The following DCDC1 variants were observed in gnomAD, a reference collection of about 807,000 sequenced individuals.
The protein encoded by DCDC1 is doublecortin domain containing 1, also known as doublecortin domain-containing protein 1.
In DCDC1, 200 loss-of-function variants were observed where a neutral mutation model predicts 178.3. The ratio of observed to expected loss-of-function variants is 1.12; its 90% CI spans 1.00 to 1.26. The LOEUF (loss-of-function observed/expected upper bound fraction) is 1.26, where lower values mean the gene tolerates loss of function less well. DCDC1 is among the 50% of genes most tolerant of loss of function. DCDC1 has a pLI of 0.00. For missense variants in DCDC1, 1,983 were observed against 1,749.2 expected (o/e 1.13, Z -2.38); for synonymous variants, 690 against 604.8 (o/e 1.14, Z -2.07).
intron 2 of DCDC1, among the ~76,000 whole-genome samples, chr11:31,331,250 G>A (rs1949968604): frequency 6.6e-6 from 1 of 152,216 alleles, no homozygotes; most frequent in Non-Finnish European, 1.5e-5. Context: ...AGACTTTGCT[G>A]AAGTTGCTTA....
intron 8 of DCDC1, among the ~76,000 whole-genome samples, chr11:31,252,666 A>G (rs1305495813): frequency 6.6e-6 from 1 of 152,150 alleles, no homozygotes; most frequent in Non-Finnish European, 1.5e-5. Flanking sequence ...ATGAGAAGCC[A>G]GATAAATAGT....
intron 22 of DCDC1, among the ~76,000 whole-genome samples, chr11:30,930,689 T>C (rs1243416895): frequency 6.6e-6 from 1 of 152,184 alleles, no homozygotes; most frequent in Non-Finnish European, 1.5e-5. Flanking sequence ...ATAATATCTG[T>C]ATGTAACTTT....
At chr11:31,357,116 C>T (rs1208480364) in intron 1 of DCDC1, among the ~76,000 whole-genome samples, 2 of 152,026 alleles carry the variant, frequency 1.3e-5, no homozygotes, top group African/African-American at 4.8e-5. Context: ...ATACCAAAGC[C>T]GGGCAGAGAC....
In DCDC1 at chr11:30,899,496, C is replaced by T. The variant is rs1302118045; in HGVS notation, c.4765+45G>A. ...AATAACCATTAGCAATTTGGGGCTACATTTTGAATTAAATATGGTTATGCT... is the reference window on the plus strand; with the variant it reads ...AATAACCATTAGCAATTTGGGGCTATATTTTGAATTAAATATGGTTATGCT... On this transcript the variant is annotated intron_variant, in intron 34 of 38. Coordinates refer to ENST00000684477, the MANE Select transcript of DCDC1 (RefSeq NM_001387274.1). 3.9e-6 allele frequency: 5 copies of T among 1,275,142 alleles called. No individual in the cohort carries two copies. The African/African-American group carries it at 6.1e-5, about 16-fold the overall frequency. 79.0% of individuals were successfully genotyped at this position (1,275,142 alleles called of 1,614,324 possible). A position where few individuals can be genotyped will look rare whatever the true frequency, so the allele number is the denominator to read the frequency against.
chr11:31,342,798 A>G (rs935856595), intron 1 of DCDC1, among the ~76,000 whole-genome samples: 9 of 152,214 alleles, frequency 5.9e-5, no homozygotes, highest in African/African-American at 1.9e-4. Context: ...TGTGTTTATG[A>G]TATAATCCAA....
chr11:30,948,068 C>A (rs552959807), intron 21 of DCDC1, among the ~76,000 whole-genome samples: 3 of 152,234 alleles, frequency 2.0e-5, no homozygotes, highest in Admixed American at 2.0e-4. Context: ...CAAATTGTCT[C>A]TGTTTGCAGA....
intron 20 of DCDC1, among the ~76,000 whole-genome samples, chr11:31,042,790 C>G (rs557681706): frequency 2.2e-4 from 33 of 152,272 alleles, no homozygotes; most frequent in African/African-American, 7.7e-4. Context: ...GTGTGAGAAC[C>G]AGCAACCTCT....
At chr11:31,080,814 T>G (rs1839570203) in intron 17 of DCDC1, among the ~76,000 whole-genome samples, 2 of 152,226 alleles carry the variant, frequency 1.3e-5, no homozygotes, top group African/African-American at 2.4e-5. Context: ...ATCTCTCCTG[T>G]TTCATAAATT....
chr11:31,181,553 G>A (rs550478873), intron 9 of DCDC1, among the ~76,000 whole-genome samples: 21 of 152,326 alleles, frequency 1.4e-4, no homozygotes, highest in African/African-American at 4.1e-4. Flanking sequence ...TGCAGACTCC[G>A]CTGGTGATAC....
intron 1 of DCDC1, among the ~76,000 whole-genome samples, chr11:31,361,311 A>G (rs530799603): frequency 2.0e-5 from 3 of 152,334 alleles, no homozygotes; most frequent in African/African-American, 7.2e-5. Flanking sequence ...ATGGAATTCC[A>G]CAGATAAAAC....
intron 17 of DCDC1, among the ~76,000 whole-genome samples, chr11:31,079,282 G>GTGTT (rs1957039762): frequency 6.6e-6 from 1 of 152,174 alleles, no homozygotes; most frequent in African/African-American, 2.4e-5. Context: ...ACATCCATGT[G>GTGTT]CCAGGAGGGT....
At chr11:31,048,469 C>T (rs537686398) in intron 20 of DCDC1, among the ~76,000 whole-genome samples, 3 of 152,238 alleles carry the variant, frequency 2.0e-5, no homozygotes, top group African/African-American at 4.8e-5. Flanking sequence ...TCAGTCGAAC[C>T]CCTTGCCTCT....
At position 31,314,996 on chromosome 11, in the gene DCDC1, T is replaced by C. The variant is rs550722710; in HGVS notation, c.165-7088A>G. Among the ~76,000 whole-genome samples the C allele has an allele frequency of 2.4e-4, 37 of 152,280 alleles. 1 individual carries two copies. The South Asian group carries it at 6.4e-3, about 26-fold the overall frequency. On this transcript the variant is annotated intron_variant, in intron 3 of 38. Transcript: ENST00000684477. ...GCTTCACAAAGCAACAACTAAGTAA[T>C]CTTTAAGGTCTAAAAATATAAGAAA... is the stretch of plus-strand genomic sequence containing the variant.
intron 24 of DCDC1, 121 bp from the exon 25 acceptor site, chr11:30,921,056 G>T: frequency 1.0e-6 from 1 of 976,568 alleles, no homozygotes; most frequent in Non-Finnish European, 1.4e-6. Context: ...CTATTCATAG[G>T]TTACTTATTA....
Position 31,237,302 on chromosome 11 carries a change from T to G in DCDC1, c.1221+4148A>C, listed in dbSNP as rs12575688. Among the ~76,000 whole-genome samples the G allele has an allele frequency of 0.018, 2,764 of 151,972 alleles. 235 individuals carry two copies. In the East Asian group the frequency reaches 0.27, roughly 15 times the overall value. On this transcript the variant is annotated intron_variant, in intron 9 of 38. Coordinates refer to ENST00000684477, the MANE Select transcript of DCDC1 (RefSeq NM_001387274.1). Reference sequence around the variant, plus strand: ...TTTAAACTGCAAAAACAATATATACTCAAGCTAGATGGTTATTTCCTCATC... The same window carrying G: ...TTTAAACTGCAAAAACAATATATACGCAAGCTAGATGGTTATTTCCTCATC...
chr11:31,019,008 G>A (rs1239923635), intron 20 of DCDC1, among the ~76,000 whole-genome samples: 1 of 152,154 alleles, frequency 6.6e-6, no homozygotes, highest in Non-Finnish European at 1.5e-5. Flanking sequence ...AGATGGTTGG[G>A]AAGGGAGATG....
rs374134762 is a variant in DCDC1 at position 31,058,091 on chromosome 11, C to T, written c.2591+6378G>A. 5.3e-5 allele frequency among the ~76,000 whole-genome samples: 8 copies of T among 152,036 alleles called. No individual in the cohort carries two copies. The South Asian group carries it at 6.2e-4, about 12-fold the overall frequency. On this transcript the variant is annotated intron_variant, in intron 20 of 38. Coordinates refer to ENST00000684477, the MANE Select transcript of DCDC1 (RefSeq NM_001387274.1). ...ATAGAACATGCTCAATAAATATTTA[C>T]GCATTAAAAAAGGATAGAATATATA... is the stretch of plus-strand genomic sequence containing the variant.
intron 38 of DCDC1, among the ~76,000 whole-genome samples, chr11:30,872,249 T>TG (rs982859856): frequency 6.6e-6 from 1 of 152,000 alleles, no homozygotes; most frequent in Non-Finnish European, 1.5e-5. Flanking sequence ...TTGTTGTTGT[T>TG]TTGTTTTGTT....
At chr11:31,220,640 T>C (rs1433241349) in intron 9 of DCDC1, among the ~76,000 whole-genome samples, 1 of 152,224 alleles carries the variant, frequency 6.6e-6, no homozygotes, top group Non-Finnish European at 1.5e-5. Flanking sequence ...AAATCAACTT[T>C]TTAAAAATTC....
Sources: gnomAD v4.1 joint callset for allele counts (sites outside exome capture counted in the v4.1 genomes callset) on GRCh38, gnomAD v4.1.1 for gene constraint, MANE v1.5 for transcripts, NCBI Gene and HGNC (gene_info 2026-07-23, HGNC 2026-07-21) for gene names.